Variants in VPS50 observed in about 807,000 individuals in gnomAD.
The protein encoded by VPS50 is syndetin.
A neutral mutation model predicts 139.7 loss-of-function variants in VPS50; 70 were observed. That is an observed-to-expected ratio of 0.50 (90% CI 0.41 to 0.61). VPS50 has a LOEUF of 0.61. VPS50 is among the 20% of genes least tolerant of loss of function. VPS50 has a pLI of 0.00. For missense variants in VPS50, 921 were observed against 1,133.7 expected, an observed-to-expected ratio of 0.81 and a Z score of 2.69; for synonymous variants, 365 against 376.7, an observed-to-expected ratio of 0.97 and a Z score of 0.36.
intron 1 of VPS50, among the ~76,000 whole-genome samples, chr7:93,237,380 C>T (rs1794843568): frequency 6.6e-6 from 1 of 152,142 alleles, no homozygotes; most frequent in Admixed American, 6.5e-5. Context: ...CTCCAGAGCC[C>T]ATTGCTATAA....
intron 9 of VPS50, among the ~76,000 whole-genome samples, chr7:93,265,792 C>T (rs953588229): frequency 2.0e-5 from 3 of 152,082 alleles, no homozygotes; most frequent in Non-Finnish European, 4.4e-5. Context: ...GTCTCAAACT[C>T]CTGACCTCAG....
chr7:93,285,511 A>G (rs988537104), intron 12 of VPS50, among the ~76,000 whole-genome samples: 4 of 152,218 alleles, frequency 2.6e-5, no homozygotes, highest in South Asian at 2.1e-4. Flanking sequence ...AATAACTTTC[A>G]GAAGATGACA....
At chr7:93,261,340 C>T (rs924435856) in intron 9 of VPS50, among the ~76,000 whole-genome samples, 23 of 152,078 alleles carry the variant, frequency 1.5e-4, no homozygotes, top group African/African-American at 5.3e-4. Flanking sequence ...TCATAAAGAA[C>T]ATAATCTATC....
At chr7:93,236,937 CTTTTTTTTTTTT>C (rs71107889) in intron 1 of VPS50, among the ~76,000 whole-genome samples, 28 of 31,066 alleles carry the variant, frequency 9.0e-4, no homozygotes, top group African/African-American at 2.1e-3. Flanking sequence ...TCTTTTACTT[CTTTTTTTTTTTT>C]TTTTTTTTTT....
intron 12 of VPS50, 160 bp downstream of exon 12, chr7:93,276,465 A>T (rs1796157552): frequency 2.5e-6 from 3 of 1,216,710 alleles, no homozygotes; most frequent in Non-Finnish European, 3.2e-6. Flanking sequence ...CCTTATAGAG[A>T]AGTTGGAGGA....
In VPS50 at chr7:93,348,804, T is replaced by C; in HGVS notation, c.2301T>C (p.Ser767=). 1.3e-6 allele frequency: 2 copies of C among 1,597,332 alleles called. No homozygotes were observed. The highest frequency in any genetic ancestry group is 8.6e-7 in the Non-Finnish European group (1 of 1,164,800). Residue 767 remains serine, a synonymous_variant, in exon 24 of 28, where the codon TCT becomes TCC. Transcript: ENST00000305866. The stretch of plus-strand genomic sequence containing the variant: ...AGCCCTTTCTTCAGCAGTTCTATTC[T>C]CAGGTCAGACATGGTCTTGTATGTC... ...VKKPFLQQFY[S]QTVSTASELR... is the part of the protein sequence containing the mutation.
intron 22 of VPS50, among the ~76,000 whole-genome samples, chr7:93,334,709 G>C (rs771686708): frequency 2.0e-5 from 3 of 152,212 alleles, no homozygotes; most frequent in Non-Finnish European, 4.4e-5. Flanking sequence ...TTAGTTTGCT[G>C]TGTAGTAGGG....
At chr7:93,250,590 C>G (rs544005931) in intron 2 of VPS50, among the ~76,000 whole-genome samples, 5 of 152,016 alleles carry the variant, frequency 3.3e-5, no homozygotes, top group African/African-American at 1.2e-4. Context: ...CTATAAAAAC[C>G]CTAGAAGAAA....
intron 2 of VPS50, among the ~76,000 whole-genome samples, chr7:93,240,311 A>G (rs903761892): frequency 6.6e-6 from 1 of 151,954 alleles, no homozygotes; most frequent in Non-Finnish European, 1.5e-5. Context: ...AAAGTGAAAT[A>G]GTTGACTACT....
intron 12 of VPS50, among the ~76,000 whole-genome samples, chr7:93,290,205 T>C (rs1796609773): frequency 6.6e-6 from 1 of 151,948 alleles, no homozygotes; most frequent in Admixed American, 6.6e-5. Flanking sequence ...GGGCATATTT[T>C]TATGTCATTA....
chr7:93,357,233 G>A (rs970321281), intron 27 of VPS50, among the ~76,000 whole-genome samples: 5 of 152,134 alleles, frequency 3.3e-5, no homozygotes, highest in African/African-American at 1.2e-4. Context: ...AGGAGGAAAG[G>A]CACAGCTCTA....
chr7:93,346,197 C>T (rs1447093244), intron 23 of VPS50, among the ~76,000 whole-genome samples: 1 of 152,032 alleles, frequency 6.6e-6, no homozygotes, highest in Non-Finnish European at 1.5e-5. Context: ...GACAGAGAGC[C>T]AAATCATGAG....
intron 2 of VPS50, among the ~76,000 whole-genome samples, chr7:93,242,745 A>G (rs956859216): frequency 6.6e-6 from 1 of 151,956 alleles, no homozygotes; most frequent in Non-Finnish European, 1.5e-5. Flanking sequence ...GTATCTTTCT[A>G]AGTTAGGACA....
chr7:93,355,398 A>T (rs1278406353), intron 26 of VPS50, among the ~76,000 whole-genome samples: 1 of 152,114 alleles, frequency 6.6e-6, no homozygotes, highest in Non-Finnish European at 1.5e-5. Context: ...ATATATATAT[A>T]CTTTCTATGC....
At chr7:93,283,000 G>A (rs1486861816) in intron 12 of VPS50, among the ~76,000 whole-genome samples, 1 of 152,100 alleles carries the variant, frequency 6.6e-6, no homozygotes, top group Non-Finnish European at 1.5e-5. Context: ...TGACCAAAAG[G>A]TAGGTAAGGA....
rs1311040436 is a variant in VPS50 at position 93,354,144 on chromosome 7, AAACTCTCTTT to A, written c.2585+384_2585+393del. Among the ~76,000 whole-genome samples the A allele has an allele frequency of 2.0e-5, 3 of 152,234 alleles. No homozygotes were observed. In the East Asian group the frequency reaches 5.8e-4, roughly 29 times the overall value. ...AGGATTATGTCACCAAACCTGAAAT[AAACTCTCTTT>A]GGTAGGTACTATGATTCTGTTTTAT... On this transcript the variant is annotated intron_variant, in intron 26 of 27. Coordinates refer to ENST00000305866, the MANE Select transcript of VPS50 (RefSeq NM_017667.4).
At chr7:93,309,335 T>C (rs1797201916) in intron 19 of VPS50, among the ~76,000 whole-genome samples, 1 of 152,004 alleles carries the variant, frequency 6.6e-6, no homozygotes, top group African/African-American at 2.4e-5. Context: ...TGTTTGACAT[T>C]GCTTTTTGTA....
At chr7:93,240,217 G>A (rs1584375009) in intron 2 of VPS50, among the ~76,000 whole-genome samples, 2 of 142,296 alleles carry the variant, frequency 1.4e-5, no homozygotes, top group Admixed American at 7.1e-5. Context: ...ATATGTGTAT[G>A]CACACACACA....
chr7:93,356,666 C>T (rs778557723), intron 27 of VPS50, among the ~76,000 whole-genome samples: 4 of 152,046 alleles, frequency 2.6e-5, no homozygotes, highest in Admixed American at 6.6e-5. Context: ...ACTATTGTTA[C>T]GTAGGATGCC....
Sources: gnomAD v4.1 joint callset for allele counts (sites outside exome capture counted in the v4.1 genomes callset) on GRCh38, gnomAD v4.1.1 for gene constraint, MANE v1.5 for transcripts, NCBI Gene and HGNC (gene_info 2026-07-23, HGNC 2026-07-21) for gene names.